Variants in DCHS1 observed in about 807,000 individuals in gnomAD.
DCHS1 encodes the protein protocadherin-16.
A neutral mutation model predicts 213.9 loss-of-function variants in DCHS1; 78 were observed. The observed-to-expected ratio is 0.36, with a 90% confidence interval of 0.30 to 0.44. The LOEUF is 0.44. Ranked by LOEUF, DCHS1 falls within the 20% of genes least tolerant of loss-of-function variation. DCHS1 has a pLI of 1.00. For synonymous variants in DCHS1, 1,828 were observed against 1,873.7 expected, an observed-to-expected ratio of 0.98 and a Z score of 0.63; for missense variants, 3,946 against 4,395.9, an observed-to-expected ratio of 0.90 and a Z score of 2.89.
rs1182868739 is a variant in DCHS1 at position 6,625,060 on chromosome 11, A to C, written c.7146+138T>G. The C allele has an allele frequency of 2.5e-5, 35 of 1,381,186 alleles. No homozygotes were observed. Among genetic ancestry groups the C allele is most frequent in the Middle Eastern group, 2.2e-4 (1 of 4,544 alleles). The allele number at this position is 1,381,186 out of a possible 1,614,324, so 85.6% of individuals were successfully genotyped here. A position where few individuals can be genotyped will look rare whatever the true frequency, so the allele number is the denominator to read the frequency against. On this transcript the variant is annotated intron_variant, in intron 19 of 20. Coordinates refer to ENST00000299441, the MANE Select transcript of DCHS1 (RefSeq NM_003737.4). This position sits in a 1 kb window ranked among gnomAD's most constrained non-coding sequence, Gnocchi z 5.3. ...GGTACAGGATGCAAAACCAGGATGTAGTTCACAGGACTTGGGACCTTCCCA... is the reference window on the plus strand; with the variant it reads ...GGTACAGGATGCAAAACCAGGATGTCGTTCACAGGACTTGGGACCTTCCCA...
In DCHS1 at chr11:6,632,713, C is replaced by G. The variant is rs1300976883; in HGVS notation, c.2799G>C (p.Leu933=). ...TGAAGGCTCCACCACCCCCAGCAAG[C>G]AGGGTAAAGGTGACTCGACTGTTAA... ...SGVNSRVTFT[L]LAGGGGAFTV... Residue 933 remains leucine (L), a synonymous_variant, in exon 6 of 21, where the codon CTG becomes CTC. Coordinates refer to ENST00000299441, the MANE Select transcript of DCHS1 (RefSeq NM_003737.4). This position sits in a 1 kb window ranked among gnomAD's most constrained non-coding sequence, Gnocchi z 5.9. 7 of 1,599,088 alleles carry G rather than the reference C, an allele frequency of 4.4e-6. No individual in the cohort carries two copies. The East Asian group carries it at 1.6e-4, about 36-fold the overall frequency.
chr11:6,640,402 G>A lies in DCHS1; in HGVS notation c.1212C>T (p.Ser404=). The change falls in exon 2 of 21, where the codon TCC becomes TCT. Residue 404 remains serine (S), a synonymous_variant. Coordinates refer to ENST00000299441, the MANE Select transcript of DCHS1 (RefSeq NM_003737.4). This position sits in a 1 kb window ranked among gnomAD's most constrained non-coding sequence, Gnocchi z 6.5. The stretch of plus-strand genomic sequence containing the variant: ...CAAAGTGGCCCTCTCCACCTTCCAG[G>A]GACACATTGACATGGGCAAAGTCAC... The part of the protein sequence containing the change: ...DDGDFAHVNV[S]LEGGEGHFAL... 6.2e-7 allele frequency: 1 copy of A among 1,613,848 alleles called. No individual in the cohort carries two copies.
Position 6,655,717 on chromosome 11 carries a change from G to T in DCHS1, c.-275C>A. 1.0e-6 allele frequency: 1 copy of T among 980,396 alleles called. No individual in the cohort carries two copies. Among genetic ancestry groups the T allele is most frequent in the Non-Finnish European group, 1.2e-6 (1 of 827,978 alleles). The allele number at this position is 980,396 out of a possible 1,614,324, so 60.7% of individuals were successfully genotyped here. A position where few individuals can be genotyped will look rare whatever the true frequency, so the allele number is the denominator to read the frequency against. On this transcript the variant is annotated 5_prime_UTR_variant, in exon 1 of 21. Coordinates refer to ENST00000299441, the MANE Select transcript of DCHS1 (RefSeq NM_003737.4). ...CGATCCCCTCCGGGCAGCCGCCGTCGGTCCGCGCGCCCTTGGCCGTCGATC... is the reference window on the plus strand; with the variant it reads ...CGATCCCCTCCGGGCAGCCGCCGTCTGTCCGCGCGCCCTTGGCCGTCGATC...
Position 6,628,867 on chromosome 11 carries a change from C to G in DCHS1, c.5162-37G>C, listed in dbSNP as rs1373627216. 3.8e-6 allele frequency: 6 copies of G among 1,585,968 alleles called. No homozygotes were observed. Among genetic ancestry groups the G allele is most frequent in the Non-Finnish European group, 5.2e-6 (6 of 1,164,462 alleles). On this transcript the variant is annotated intron_variant, in intron 12 of 20. Transcript: ENST00000299441. This position sits in a 1 kb window ranked among gnomAD's most constrained non-coding sequence, Gnocchi z 4.3. ...CAAAATCAATGAGGTCTAGTCTGCC[C>G]TCACCACATGGAGAAATCCACACCA...
In DCHS1 at chr11:6,639,842, G is replaced by A. The variant is rs1485556352; in HGVS notation, c.1772C>T (p.Thr591Ile). 2.5e-6 allele frequency: 4 copies of A among 1,603,388 alleles called. No homozygotes were observed. Among genetic ancestry groups the A allele is most frequent in the Non-Finnish European group, 3.4e-6 (4 of 1,172,494 alleles). ...CTGCAGGAAGCAAGTTCCAGGCTGG[G>A]TGCCCTCAGGCAGTGAGGCATTGTA... is the stretch of plus-strand genomic sequence containing the variant. Reference protein sequence around the residue: ...TFYNASLPEGTQPGTCFLQVT... With the variant: ...TFYNASLPEGIQPGTCFLQVT... The change falls in exon 2 of 21, where the codon ACC (threonine) becomes ATC (isoleucine). Residue 591 changes from threonine to isoleucine, a missense_variant. By Grantham distance (89) the Thr-to-Ile change is moderately conservative (BLOSUM62 -1). Around this residue, in one of 3 missense-constraint regions of DCHS1, gnomAD observed 3,384 missense variants for 3,780.1 expected, o/e 0.90. Coordinates refer to ENST00000299441, the MANE Select transcript of DCHS1 (RefSeq NM_003737.4).
chr11:6,622,617 G>A lies in DCHS1; in HGVS notation c.9059C>T (p.Pro3020Leu), dbSNP rs1450708798. Residue 3020 changes from proline to leucine, a missense_variant, in exon 21 of 21, where the codon CCC becomes CTC. Coordinates refer to ENST00000299441, the MANE Select transcript of DCHS1 (RefSeq NM_003737.4). The surrounding 1 kb of genome is among the most constrained non-coding windows in gnomAD (Gnocchi z 5.4). ...TGAAGGGTCCAAGGAGCCACCACGG[G>A]GGTAGGGTCCTCCAGCTCCTGGCCC... ...YGGPGAGGPY[P>L]RGGSLDPSHS... The A allele has an allele frequency of 1.3e-6, 2 of 1,583,994 alleles. No homozygotes were observed. Among genetic ancestry groups the A allele is most frequent in the Non-Finnish European group, 1.7e-6 (2 of 1,165,548 alleles).
chr11:6,631,346 T>A lies in DCHS1; in HGVS notation c.3737A>T (p.Glu1246Val). ...VTTLQAKDPD[E>V]GENGTILYTL... The stretch of plus-strand genomic sequence containing the variant: ...GTACAAGATGGTCCCATTCTCCCCC[T>A]CATCTGGATCCTTCGCCTGCAGAGT... The change falls in exon 8 of 21, where the codon GAG becomes GTG. Residue 1246 changes from glutamate (E) to valine (V), a missense_variant. Around this residue, in one of 3 missense-constraint regions of DCHS1, gnomAD observed 3,384 missense variants for 3,780.1 expected, o/e 0.90. Coordinates refer to ENST00000299441, the MANE Select transcript of DCHS1 (RefSeq NM_003737.4). 1 of 1,613,930 alleles carries A rather than the reference T, an allele frequency of 6.2e-7. No individual in the cohort carries two copies.
chr11:6,623,902 C>T lies in DCHS1; in HGVS notation c.7774G>A (p.Val2592Ile). 6.2e-7 allele frequency: 1 copy of T among 1,609,234 alleles called. No homozygotes were observed. Among genetic ancestry groups the T allele is most frequent in the Non-Finnish European group, 8.5e-7 (1 of 1,176,490 alleles). ...GGTGGGTTGTCATTGACATCTAGTA[C>T]AGTGACAGTGACTGGCACGACTGAG... ...QSSVVPVTVTVLDVNDNPPVF... is the reference protein window; with the variant it reads ...QSSVVPVTVTILDVNDNPPVF... Residue 2592 changes from valine (V) to isoleucine (I), a missense_variant, in exon 21 of 21, where the codon GTA becomes ATA. Physicochemically the swap from Val to Ile is conservative, Grantham distance 29. Around this residue, in one of 3 missense-constraint regions of DCHS1, gnomAD observed 3,384 missense variants for 3,780.1 expected, o/e 0.90. Coordinates refer to ENST00000299441, the MANE Select transcript of DCHS1 (RefSeq NM_003737.4).
In DCHS1 at chr11:6,628,438, A is replaced by C. The variant is rs1855846037; in HGVS notation, c.5371+183T>G. On this transcript the variant is annotated intron_variant, in intron 13 of 20. Transcript: ENST00000299441. The surrounding 1 kb of genome is among the most constrained non-coding windows in gnomAD (Gnocchi z 4.3). Reference sequence around the variant, plus strand: ...TAGGAAGATAGAAACAGAGACACACAGGGAGATAAAGAGCATGGAATGAGA... The same window carrying C: ...TAGGAAGATAGAAACAGAGACACACCGGGAGATAAAGAGCATGGAATGAGA... Among the ~76,000 whole-genome samples, 1 of 152,210 alleles carries C rather than the reference A, an allele frequency of 6.6e-6. No homozygotes were observed. The highest frequency in any genetic ancestry group is 6.5e-5 in the Admixed American group (1 of 15,276).
Position 6,623,381 on chromosome 11 carries a change from C to A in DCHS1, c.8295G>T (p.Gly2765=). 6.3e-7 allele frequency: 1 copy of A among 1,598,166 alleles called. No individual in the cohort carries two copies. Among genetic ancestry groups the A allele is most frequent in the East Asian group, 2.3e-5 (1 of 44,012 alleles). ...CAAAGGGCACTCGCGCACGCAACTCCCCTGTTGAGCTGTTCAGTGCAAATG... is the reference window on the plus strand; with the variant it reads ...CAAAGGGCACTCGCGCACGCAACTCACCTGTTGAGCTGTTCAGTGCAAATG... ...REAFALNSST[G]ELRARVPFDY... is the part of the protein sequence containing the mutation. Residue 2765 remains glycine (G), a synonymous_variant, in exon 21 of 21, where the codon GGG becomes GGT. Coordinates refer to ENST00000299441, the MANE Select transcript of DCHS1 (RefSeq NM_003737.4).
intron 2 of DCHS1, 71 bp from the exon 3 acceptor site, chr11:6,634,377 A>G (rs1855959367): frequency 8.7e-6 from 13 of 1,486,676 alleles, no homozygotes; most frequent in Non-Finnish European, 9.0e-7. Context: ...TGGCCATTAG[A>G]ATGAACAACT....
chr11:6,650,352 T>C (rs1856225587), intron 1 of DCHS1, among the ~76,000 whole-genome samples: 1 of 151,936 alleles, frequency 6.6e-6, no homozygotes, highest in South Asian at 2.1e-4. Flanking sequence ...CAAGTGGCAG[T>C]GGTTGAAAGT....
Position 6,626,917 on chromosome 11 carries a change from G to T in DCHS1, c.6122C>A (p.Thr2041Asn). Residue 2041 changes from threonine to asparagine, a missense_variant, in exon 14 of 21, where the codon ACT (threonine) becomes AAT (asparagine). By Grantham distance (65) the Thr-to-Asn change is moderately conservative (BLOSUM62 0). Coordinates refer to ENST00000299441, the MANE Select transcript of DCHS1 (RefSeq NM_003737.4). The surrounding 1 kb of genome is among the most constrained non-coding windows in gnomAD (Gnocchi z 5.2). ...PRDRVLFIVA[T>N]DLGRPARSAT... is the part of the protein sequence containing the mutation. ...AGAGCGAGCTGGACGGCCAAGATCA[G>T]TGGCCACAATGAAGAGGACACGATC... 7 of 1,613,696 alleles carry T rather than the reference G, an allele frequency of 4.3e-6. No individual in the cohort carries two copies. The highest frequency in any genetic ancestry group is 5.9e-6 in the Non-Finnish European group (7 of 1,179,894).
chr11:6,654,037 T>C (rs950634522), intron 1 of DCHS1, among the ~76,000 whole-genome samples: 3 of 152,094 alleles, frequency 2.0e-5, no homozygotes, highest in African/African-American at 7.2e-5. Context: ...GAAGCTGTGG[T>C]GTTGAAGGAC....
Position 6,628,529 on chromosome 11 carries a change from C to A in DCHS1, c.5371+92G>T. Reference sequence around the variant, plus strand: ...ACGACATCAAGAGGGAAAAGGAGACCCAGACACATGCACTGAGGCTGACAG... The same window carrying A: ...ACGACATCAAGAGGGAAAAGGAGACACAGACACATGCACTGAGGCTGACAG... On this transcript the variant is annotated intron_variant, in intron 13 of 20. Coordinates refer to ENST00000299441, the MANE Select transcript of DCHS1 (RefSeq NM_003737.4). The surrounding 1 kb of genome is among the most constrained non-coding windows in gnomAD (Gnocchi z 4.3). 1 of 1,439,960 alleles carries A rather than the reference C, an allele frequency of 6.9e-7. No individual in the cohort carries two copies. The highest frequency in any genetic ancestry group is 9.7e-7 in the Non-Finnish European group (1 of 1,028,728). The allele number at this position is 1,439,960 out of a possible 1,614,324, so 89.2% of individuals were successfully genotyped here.
chr11:6,622,912 T>C lies in DCHS1; in HGVS notation c.8764A>G (p.Ile2922Val), dbSNP rs1855723832. ...RSATVPVTVD[I>V]THTALGLAPD... is the part of the protein sequence containing the mutation. ...GCCAGGCCCAGTGCGGTGTGGGTGATATCCACGGTCACAGGCACTGTGGCA... is the reference window on the plus strand; with the variant it reads ...GCCAGGCCCAGTGCGGTGTGGGTGACATCCACGGTCACAGGCACTGTGGCA... Residue 2922 changes from isoleucine (I) to valine (V), a missense_variant, in exon 21 of 21, where the codon ATC (isoleucine) becomes GTC (valine). Ile to Val is a conservative substitution (Grantham distance 29). Transcript: ENST00000299441. This position sits in a 1 kb window ranked among gnomAD's most constrained non-coding sequence, Gnocchi z 5.4. 3 of 1,595,272 alleles carry C rather than the reference T, an allele frequency of 1.9e-6. No individual in the cohort carries two copies. In the African/African-American group the frequency reaches 4.0e-5, roughly 21 times the overall value.
Position 6,630,885 on chromosome 11 carries a change from GA to G in DCHS1, c.3931-23del, listed in dbSNP as rs1855897179. 5 of 1,503,046 alleles carry G rather than the reference GA, an allele frequency of 3.3e-6. No homozygotes were observed. The South Asian group carries it at 6.5e-5, about 20-fold the overall frequency. The allele number at this position is 1,503,046 out of a possible 1,614,324, so 93.1% of individuals were successfully genotyped here. A position where few individuals can be genotyped will look rare whatever the true frequency, so the allele number is the denominator to read the frequency against. ...GCACCTGTTGTGGACCGGGGAGGGA[GA>G]ACAGAATTGTGAGGGCCCGTGTAAA... is the stretch of plus-strand genomic sequence containing the variant. On this transcript the variant is annotated intron_variant, in intron 9 of 20. Transcript: ENST00000299441.
Position 6,627,356 on chromosome 11 carries a change from C to G in DCHS1, c.5683G>C (p.Gly1895Arg). Residue 1895 changes from glycine (G) to arginine (R), a missense_variant, in exon 14 of 21, where the codon GGC becomes CGC. Gly to Arg is a moderately radical substitution (Grantham distance 125). This residue lies in a region of DCHS1 where 3,384 missense variants were observed against 3,780.1 expected (regional missense o/e 0.90). Transcript: ENST00000299441. The surrounding 1 kb of genome is among the most constrained non-coding windows in gnomAD (Gnocchi z 5.4). ...AGGAAGGCTCCTGCTGTACCGGCGCCCAGGTAGTAGGTCACATGGCCATTA... is the reference window on the plus strand; with the variant it reads ...AGGAAGGCTCCTGCTGTACCGGCGCGCAGGTAGTAGGTCACATGGCCATTA... The part of the protein sequence containing the change: ...GANGHVTYYL[G>R]AGTAGAFLLE... The G allele has an allele frequency of 6.2e-7, 1 of 1,608,054 alleles. No individual in the cohort carries two copies. Among genetic ancestry groups the G allele is most frequent in the Non-Finnish European group, 8.5e-7 (1 of 1,177,322 alleles).
At chr11:6,646,292 C>T (rs1428190396) in intron 1 of DCHS1, among the ~76,000 whole-genome samples, 2 of 152,176 alleles carry the variant, frequency 1.3e-5, no homozygotes, top group Non-Finnish European at 2.9e-5. Context: ...GCGGCTGCAG[C>T]TGTGACCTCC....
Sources: allele counts gnomAD v4.1 joint callset (sites outside exome capture counted in the v4.1 genomes callset), GRCh38; gene constraint gnomAD v4.1.1; regional missense constraint gnomAD v4.1.1; non-coding constraint Gnocchi (gnomAD v3.1); transcripts MANE v1.5; gene names NCBI Gene and HGNC (gene_info 2026-07-23, HGNC 2026-07-21).